The following SNX14 variants were observed in gnomAD, a reference collection of about 807,000 sequenced individuals.
SNX14 encodes sorting nexin-14.
A neutral mutation model predicts 133.8 loss-of-function variants in SNX14; 93 were observed. That is an observed-to-expected ratio of 0.70 (90% CI 0.59 to 0.83). The LOEUF (loss-of-function observed/expected upper bound fraction) is 0.83. Ranked by LOEUF, SNX14 falls within the 40% of genes least tolerant of loss-of-function variation. The probability of loss-of-function intolerance (pLI) is 0.00; values close to 1 mark genes in which losing one functional copy is unlikely to be tolerated. For synonymous variants in SNX14, 368 were observed against 365.6 expected, an observed-to-expected ratio of 1.01 and a Z score of -0.07; for missense variants, 945 against 1,094.9, an observed-to-expected ratio of 0.86 and a Z score of 1.93.
intron 6 of SNX14, among the ~76,000 whole-genome samples, chr6:85,563,461 G>A (rs1372497562): frequency 1.3e-5 from 2 of 152,012 alleles, no homozygotes; most frequent in Non-Finnish European, 1.5e-5. Flanking sequence ...GCACGATCTC[G>A]GCTCATTACA....
chr6:85,530,169 T>C, intron 19 of SNX14, 23 bp downstream of exon 19: 6 of 1,442,706 alleles, frequency 4.2e-6, no homozygotes, highest in South Asian at 1.2e-5. Flanking sequence ...AATGTAATGT[T>C]TTATCCAAAA....
chr6:85,547,017 T>A, intron 12 of SNX14, 95 bp downstream of exon 12: 1 of 773,758 alleles, frequency 1.3e-6, no homozygotes, highest in Non-Finnish European at 2.0e-6. Flanking sequence ...AGTACAATGA[T>A]AGATGGGTAC....
intron 2 of SNX14, among the ~76,000 whole-genome samples, chr6:85,573,743 C>G (rs887149300): frequency 3.3e-5 from 5 of 152,184 alleles, no homozygotes; most frequent in African/African-American, 1.2e-4. Context: ...CTAACAAGTA[C>G]TGATTACAAG....
intron 27 of SNX14, among the ~76,000 whole-genome samples, chr6:85,507,605 T>G (rs1771160317): frequency 6.6e-6 from 1 of 152,184 alleles, no homozygotes; most frequent in South Asian, 2.1e-4. Context: ...CTCAACAGAA[T>G]ATATAAAGCT....
intron 20 of SNX14, 94 bp downstream of exon 20, chr6:85,528,168 T>C: frequency 1.3e-6 from 1 of 745,866 alleles, no homozygotes; most frequent in Non-Finnish European, 2.1e-6. Flanking sequence ...GACAGGTATT[T>C]ATAAACCAAA....
chr6:85,574,484 T>C (rs1315710157), intron 1 of SNX14, 106 bp from the exon 2 acceptor site: 1 of 683,920 alleles, frequency 1.5e-6, no homozygotes, highest in East Asian at 3.1e-5. Context: ...CAATATCAGA[T>C]TGAAGCAATT....
chr6:85,574,117 A>C, intron 2 of SNX14, 141 bp downstream of exon 2: 1 of 454,416 alleles, frequency 2.2e-6, no homozygotes, highest in Non-Finnish European at 3.2e-6. Context: ...ACCTAAAAAA[A>C]ACAAAAAAAA....
intron 6 of SNX14, among the ~76,000 whole-genome samples, chr6:85,561,033 T>TAAAA (rs75735977): frequency 1.0e-5 from 1 of 97,828 alleles, no homozygotes; most frequent in African/African-American, 3.9e-5. Flanking sequence ...GACTCCATCT[T>TAAAA]AAAAAAAAAA....
intron 17 of SNX14, among the ~76,000 whole-genome samples, chr6:85,535,588 G>A (rs1303200664): frequency 9.0e-6 from 1 of 111,340 alleles, no homozygotes; most frequent in Non-Finnish European, 1.6e-5. Context: ...CTGGGTGACA[G>A]AGCAAGACTC....
intron 21 of SNX14, among the ~76,000 whole-genome samples, chr6:85,524,236 T>C (rs1016971509): frequency 1.3e-5 from 2 of 151,866 alleles, no homozygotes; most frequent in Non-Finnish European, 2.9e-5. Flanking sequence ...CATTTATATA[T>C]AGGTAAAGAT....
chr6:85,516,675 T>TC (rs1170392238), intron 23 of SNX14, among the ~76,000 whole-genome samples: 3 of 145,406 alleles, frequency 2.1e-5, no homozygotes, highest in Non-Finnish European at 4.5e-5. Flanking sequence ...TCTTGCTCTG[T>TC]CCCCCAGGCT....
chr6:85,566,177 C>T (rs550274115), intron 5 of SNX14, among the ~76,000 whole-genome samples: 2 of 152,074 alleles, frequency 1.3e-5, no homozygotes, highest in Non-Finnish European at 2.9e-5. Context: ...GATTTTATGT[C>T]GAAAGTGTCG....
chr6:85,538,898 G>A lies in SNX14; in HGVS notation c.1449-34C>T, dbSNP rs757811067. On this transcript the variant is annotated intron_variant, in intron 15 of 28. Transcript: ENST00000314673. ...ACAGGTATGTGAAATAATATAAGGAGAGGAAAGAAAGAAAGCCCAGATATT... is the reference window on the plus strand; with the variant it reads ...ACAGGTATGTGAAATAATATAAGGAAAGGAAAGAAAGAAAGCCCAGATATT... The A allele has an allele frequency of 4.5e-5, 70 of 1,552,258 alleles. No individual in the cohort carries two copies. The South Asian group carries it at 8.4e-4, about 19-fold the overall frequency.
chr6:85,534,771 G>A (rs780567259), intron 17 of SNX14, among the ~76,000 whole-genome samples: 35 of 148,184 alleles, frequency 2.4e-4, no homozygotes, highest in African/African-American at 4.0e-4. Context: ...TTATAATATC[G>A]AATAGAGAAA....
At chr6:85,525,086 G>A (rs1205915297) in intron 21 of SNX14, among the ~76,000 whole-genome samples, 1 of 152,114 alleles carries the variant, frequency 6.6e-6, no homozygotes, top group Non-Finnish European at 1.5e-5. Context: ...CTGAAATTAA[G>A]TGCTCAAGTA....
chr6:85,549,953 T>C lies in SNX14; in HGVS notation c.635-74A>G, dbSNP rs546525948. 7.6e-5 allele frequency: 100 copies of C among 1,317,934 alleles called. No individual in the cohort carries two copies. In the East Asian group the frequency reaches 1.2e-3, roughly 16 times the overall value. 81.6% of individuals were successfully genotyped at this position (1,317,934 alleles called of 1,614,324 possible). ...AATTTCGGTCATTTCCACTAACAAA[T>C]AGAAGAGCATGGGCTGGGCGTGGTG... On this transcript the variant is annotated intron_variant, in intron 7 of 28. Transcript: ENST00000314673.
intron 15 of SNX14, among the ~76,000 whole-genome samples, chr6:85,540,990 TCTTAA>T (rs1354957121): frequency 1.3e-5 from 2 of 151,724 alleles, no homozygotes; most frequent in African/African-American, 4.9e-5. Flanking sequence ...TAAAAGAGTT[TCTTAA>T]CTTTTTTTTT....
intron 21 of SNX14, among the ~76,000 whole-genome samples, chr6:85,525,614 AACT>A (rs950502544): frequency 5.9e-5 from 9 of 152,170 alleles, no homozygotes; most frequent in African/African-American, 1.7e-4. Context: ...TTACCTAAAT[AACT>A]ACTACAAGTG....
chr6:85,567,633 A>G, intron 4 of SNX14, 56 bp from the exon 5 acceptor site: 1 of 1,162,082 alleles, frequency 8.6e-7, no homozygotes, highest in Non-Finnish European at 1.2e-6. Flanking sequence ...TTTGGAAAAT[A>G]AATGGTACCA....
Sources: allele counts gnomAD v4.1 joint callset (sites outside exome capture counted in the v4.1 genomes callset), GRCh38; gene constraint gnomAD v4.1.1; transcripts MANE v1.5; gene names NCBI Gene and HGNC (gene_info 2026-07-23, HGNC 2026-07-21).